The following MACF1 variants were observed in gnomAD, a reference collection of about 807,000 sequenced individuals.
MACF1 encodes microtubule-actin cross-linking factor 1.
MACF1 carries 193 observed loss-of-function variants against 854.8 expected under a neutral mutation model. The observed-to-expected ratio is 0.23, with a 90% CI of 0.20 to 0.25. MACF1 has a LOEUF of 0.25. Among genes scored for constraint, MACF1 ranks in the 10% least tolerant of loss-of-function variants. The pLI is 1.00. For synonymous variants in MACF1, 3,185 were observed against 3,226.7 expected (o/e 0.99, Z 0.44); for missense variants, 7,722 against 8,929.1 (o/e 0.86, Z 5.45).
chr1:39,459,238 C>T lies in MACF1; in HGVS notation c.21349C>T (p.Arg7117Trp), dbSNP rs763925892. 6.8e-6 allele frequency: 11 copies of T among 1,612,756 alleles called. 1 individual carries two copies. The highest frequency in any genetic ancestry group is 1.6e-4 in the Middle Eastern group (1 of 6,074). Residue 7117 changes from arginine (R) to tryptophan (W), a missense_variant, in exon 91 of 101, where the codon CGG becomes TGG. This residue lies in a region of MACF1 where 729 missense variants were observed against 900.5 expected (regional missense o/e 0.81). Transcript: ENST00000564288. ...RQRKLNDALD[R>W]LEELKEFANF... ...AAGGAAACTGAATGATGCCTTGGAT[C>T]GGCTGGAGGAGGTAATGCCCTGCTG...
At chr1:39,472,475 C>A (rs1644797022) in intron 97 of MACF1, among the ~76,000 whole-genome samples, 1 of 152,134 alleles carries the variant, frequency 6.6e-6, no homozygotes, top group African/African-American at 2.4e-5. Flanking sequence ...TTAATTGCCC[C>A]CTTAACACCT....
intron 95 of MACF1, among the ~76,000 whole-genome samples, chr1:39,467,351 C>T (rs1407212236): frequency 3.9e-5 from 6 of 152,028 alleles, no homozygotes; most frequent in Non-Finnish European, 5.9e-5. Context: ...GGCGACAGAA[C>T]GAGACTCCAT....
At chr1:39,149,466 C>T (rs1477652071) in intron 2 of MACF1, among the ~76,000 whole-genome samples, 7 of 151,580 alleles carry the variant, frequency 4.6e-5, no homozygotes, top group East Asian at 3.9e-4. Flanking sequence ...AGGCGGAGGT[C>T]GCTGTGAGCC....
At chr1:39,141,045 T>C (rs1643333776) in intron 2 of MACF1, among the ~76,000 whole-genome samples, 1 of 150,508 alleles carries the variant, frequency 6.6e-6, no homozygotes, top group Non-Finnish European at 1.5e-5. Context: ...CAGGAGGGCA[T>C]AGTGATTTGC....
At chr1:39,178,511 G>C (rs946035483) in intron 2 of MACF1, among the ~76,000 whole-genome samples, 4 of 152,166 alleles carry the variant, frequency 2.6e-5, no homozygotes, top group Non-Finnish European at 5.9e-5. Flanking sequence ...GTTCACCCCA[G>C]TGGGGCACAT....
intron 1 of MACF1, among the ~76,000 whole-genome samples, chr1:39,208,532 C>A (rs1241256400): frequency 6.6e-6 from 1 of 152,128 alleles, no homozygotes; most frequent in Non-Finnish European, 1.5e-5. Flanking sequence ...TGGTTCACTG[C>A]AAATTCTGCC....
intron 40 of MACF1, among the ~76,000 whole-genome samples, chr1:39,342,594 T>TG (rs1206251514): frequency 9.7e-4 from 145 of 149,222 alleles, no homozygotes; most frequent in African/African-American, 3.4e-3. Flanking sequence ...TGGAGTGCAG[T>TG]GGTGCGATCT....
rs1301830831 is a variant in MACF1, at chr1:39,331,585, G to T, written c.4997G>T (p.Ser1666Ile). Reference protein sequence around the residue: ...LATGGFSLSPSENCINLEEAF... With the variant: ...LATGGFSLSPIENCINLEEAF... ...ACTGGAGGTTTCAGTCTTTCCCCTA[G>T]TGAGAACTGTATTAACCTGGAAGAG... Residue 1666 changes from serine to isoleucine, a missense_variant, in exon 37 of 101, where the codon AGT becomes ATT. Coordinates refer to ENST00000564288, the MANE Select transcript of MACF1 (RefSeq NM_001394062.1). The T allele has an allele frequency of 2.5e-6, 4 of 1,614,152 alleles. No homozygotes were observed. In the Admixed American group the frequency reaches 6.7e-5, roughly 27 times the overall value.
rs1376473552 is a variant in MACF1 at position 39,273,205 on chromosome 1, C to T, written c.529-9003C>T. On this transcript the variant is annotated intron_variant, in intron 6 of 100. Transcript: ENST00000564288. Reference sequence around the variant, plus strand: ...AGGCTGCAGTGCAGTGGTGCGATCTCGGCTCACTGCAGCCTCTGCCTCCCG... The same window carrying T: ...AGGCTGCAGTGCAGTGGTGCGATCTTGGCTCACTGCAGCCTCTGCCTCCCG... 4.8e-5 allele frequency among the ~76,000 whole-genome samples: 7 copies of T among 147,042 alleles called. No homozygotes were observed. In the South Asian group the frequency reaches 6.4e-4, roughly 14 times the overall value.
At chr1:39,164,759 G>T (rs1643867149) in intron 2 of MACF1, among the ~76,000 whole-genome samples, 1 of 152,190 alleles carries the variant, frequency 6.6e-6, no homozygotes, top group Non-Finnish European at 1.5e-5. Context: ...CTGTTACTGA[G>T]CTAGCACCGA....
At chr1:39,454,295 T>C (rs1460207222) in intron 88 of MACF1, among the ~76,000 whole-genome samples, 1 of 152,202 alleles carries the variant, frequency 6.6e-6, no homozygotes, top group Non-Finnish European at 1.5e-5. Flanking sequence ...GGGCAGACTT[T>C]TGCAGGTTGC....
At chr1:39,271,670 A>G (rs1571244670) in intron 6 of MACF1, among the ~76,000 whole-genome samples, 4 of 152,362 alleles carry the variant, frequency 2.6e-5, no homozygotes, top group Non-Finnish European at 1.5e-5. Flanking sequence ...TTGTTGTACA[A>G]CTGGCATTAA....
intron 2 of MACF1, among the ~76,000 whole-genome samples, chr1:39,173,915 C>T (rs185427167): frequency 2.6e-5 from 4 of 152,162 alleles, no homozygotes; most frequent in Admixed American, 2.6e-4. Flanking sequence ...ATTAAGGCTG[C>T]CTTTTCTCTC....
chr1:39,182,134 G>A (rs1412888911), intron 2 of MACF1, among the ~76,000 whole-genome samples: 9 of 145,188 alleles, frequency 6.2e-5, no homozygotes, highest in Non-Finnish European at 1.0e-4. Context: ...CTGGGCAACA[G>A]AGCAAGACTC....
At chr1:39,320,240 T>C (rs1055866097) in intron 31 of MACF1, among the ~76,000 whole-genome samples, 3 of 152,210 alleles carry the variant, frequency 2.0e-5, no homozygotes, top group Non-Finnish European at 2.9e-5. Context: ...CAGTGAAGAA[T>C]CTTCTTTAGA....
chr1:39,284,643 A>G (rs995299822), intron 11 of MACF1, among the ~76,000 whole-genome samples: 3 of 152,194 alleles, frequency 2.0e-5, no homozygotes, highest in South Asian at 2.1e-4. Flanking sequence ...TTATTGAAAA[A>G]TGACATGTAT....
intron 42 of MACF1, among the ~76,000 whole-genome samples, chr1:39,350,504 T>C (rs1647156256): frequency 6.6e-6 from 1 of 152,212 alleles, no homozygotes. Context: ...TCAACACTTC[T>C]TTATGGAAAG....
Position 39,485,615 on chromosome 1 carries a change from A to C in MACF1, c.22489A>C (p.Ser7497Arg). 6.2e-7 allele frequency: 1 copy of C among 1,614,120 alleles called. No individual in the cohort carries two copies. Among genetic ancestry groups the C allele is most frequent in the Non-Finnish European group, 8.5e-7 (1 of 1,180,000 alleles). ...AGSRASSRRG[S>R]DASDFDLLET... ...GAGTCGAGCCAGCAGCCGGCGAGGA[A>C]GTGACGCTTCTGACTTTGACCTCTT... is the stretch of plus-strand genomic sequence containing the variant. Residue 7497 changes from serine to arginine, a missense_variant, in exon 101 of 101, where the codon AGT (serine) becomes CGT (arginine). By Grantham distance (110) the Ser-to-Arg change is moderately radical (BLOSUM62 -1). This residue lies in a region of MACF1 where 185 missense variants were observed against 225.7 expected (regional missense o/e 0.82). Coordinates refer to ENST00000564288, the MANE Select transcript of MACF1 (RefSeq NM_001394062.1).
intron 2 of MACF1, among the ~76,000 whole-genome samples, chr1:39,177,938 A>G (rs1276243897): frequency 6.6e-6 from 1 of 152,050 alleles, no homozygotes; most frequent in East Asian, 1.9e-4. Flanking sequence ...TAAAATGGCA[A>G]TTTCCAGGAA....
Sources: gnomAD v4.1 joint callset for allele counts (sites outside exome capture counted in the v4.1 genomes callset) on GRCh38, gnomAD v4.1.1 for gene constraint, gnomAD v4.1.1 regional missense constraint, MANE v1.5 for transcripts, NCBI Gene and HGNC (gene_info 2026-07-23, HGNC 2026-07-21) for gene names.